The following RNF38 variants were observed in gnomAD, a reference collection of about 807,000 sequenced individuals.
The protein encoded by RNF38 is E3 ubiquitin-protein ligase RNF38.
Under a neutral mutation model 67.2 loss-of-function variants are expected in RNF38, and 15 were observed. The ratio of observed to expected loss-of-function variants is 0.22; its 90% confidence interval spans 0.15 to 0.34. The LOEUF (loss-of-function observed/expected upper bound fraction) is 0.34. RNF38 is among the 10% of genes least tolerant of loss of function. The pLI, the probability that RNF38 is intolerant of heterozygous loss-of-function variation, is 1.00. For synonymous variants in RNF38, 220 were observed against 218.8 expected (o/e 1.01, Z -0.05); for missense variants, 524 against 639.9 (o/e 0.82, Z 1.95).
At chr9:36,444,581 T>C (rs956990306) in intron 1 of RNF38, among the ~76,000 whole-genome samples, 5 of 152,108 alleles carry the variant, frequency 3.3e-5, no homozygotes, top group Admixed American at 2.6e-4. Flanking sequence ...AGGCAGATCA[T>C]TTGAGGTCAG....
intron 1 of RNF38, among the ~76,000 whole-genome samples, chr9:36,394,856 T>C (rs1251099473): frequency 6.6e-6 from 1 of 152,228 alleles, no homozygotes; most frequent in Non-Finnish European, 1.5e-5. Flanking sequence ...AAAAATAAAC[T>C]TGTTTCCTGA....
intron 2 of RNF38, among the ~76,000 whole-genome samples, chr9:36,381,478 G>C (rs1214012674): frequency 6.6e-6 from 1 of 152,142 alleles, no homozygotes; most frequent in East Asian, 1.9e-4. Context: ...CTAACAGAAT[G>C]GACTTTTTGT....
rs147020507 is a variant in RNF38, at chr9:36,343,095, A to G, written c.1386-671T>C. ...GCTATGTAAATAGTTGTTATACTGT[A>G]TTGTTCTTTATTTGTACTATGTATT... On this transcript the variant is annotated intron_variant, in intron 10 of 11. Coordinates refer to ENST00000259605, the MANE Select transcript of RNF38 (RefSeq NM_022781.5). Among the ~76,000 whole-genome samples, 3 of 152,044 alleles carry G rather than the reference A, an allele frequency of 2.0e-5. No homozygotes were observed. In the East Asian group the frequency reaches 5.8e-4, roughly 29 times the overall value.
chr9:36,461,086 A>G (rs1339336997), intron 1 of RNF38, among the ~76,000 whole-genome samples: 1 of 151,944 alleles, frequency 6.6e-6, no homozygotes, highest in Non-Finnish European at 1.5e-5. Flanking sequence ...GTGGTGGTGC[A>G]CACCTGTAAT....
intron 2 of RNF38, among the ~76,000 whole-genome samples, chr9:36,413,843 T>C (rs1424827989): frequency 3.9e-5 from 6 of 152,212 alleles, no homozygotes; most frequent in East Asian, 1.9e-4. Flanking sequence ...CAGTGGAGTA[T>C]TGAAGTCCTC....
At chr9:36,417,504 T>C (rs183873457) in intron 2 of RNF38, among the ~76,000 whole-genome samples, 312 of 152,308 alleles carry the variant, frequency 2.0e-3, no homozygotes, top group Non-Finnish European at 2.6e-3. Flanking sequence ...AAATTAACAA[T>C]ACTTCCATCA....
chr9:36,373,265 A>G (rs1479772106), intron 3 of RNF38, among the ~76,000 whole-genome samples: 1 of 152,210 alleles, frequency 6.6e-6, no homozygotes, highest in South Asian at 2.1e-4. Context: ...AGGCGGATAC[A>G]TAAATTGTGT....
intron 4 of RNF38, among the ~76,000 whole-genome samples, chr9:36,367,568 T>C (rs1306015701): frequency 2.0e-5 from 3 of 150,278 alleles, no homozygotes; most frequent in African/African-American, 7.3e-5. Context: ...TCCAACAGGT[T>C]ATTCTTTTTT....
In RNF38 at chr9:36,447,970, A is replaced by G. The variant is rs192058690; in HGVS notation, n.242-23287T>C. 7.2e-5 allele frequency among the ~76,000 whole-genome samples: 11 copies of G among 152,378 alleles called. No homozygotes were observed. In the East Asian group the frequency reaches 1.7e-3, roughly 24 times the overall value. Reference sequence around the variant, plus strand: ...CCCTAAGTTCTTCTGAACTAGAAGTATAACAGAGGGCAATTCATCACTGTA... The same window carrying G: ...CCCTAAGTTCTTCTGAACTAGAAGTGTAACAGAGGGCAATTCATCACTGTA... On this transcript the variant is annotated intron_variant and non_coding_transcript_variant, in intron 1 of 3. Transcript: ENST00000488058.
chr9:36,409,077 C>T (rs1202919695), intron 2 of RNF38, among the ~76,000 whole-genome samples: 1 of 152,038 alleles, frequency 6.6e-6, no homozygotes. Context: ...ATCCCAGCTA[C>T]TTGGGAGGCT....
chr9:36,390,424 T>C (rs780442556), intron 2 of RNF38, 43 bp downstream of exon 2: 67 of 1,536,664 alleles, frequency 4.4e-5, no homozygotes, highest in Non-Finnish European at 4.7e-5. Context: ...CTGTAGAATG[T>C]GACTTTCAGC....
At chr9:36,478,669 T>G (rs1840180616) in intron 1 of RNF38, among the ~76,000 whole-genome samples, 1 of 151,282 alleles carries the variant, frequency 6.6e-6, no homozygotes, top group South Asian at 2.1e-4. Context: ...AATACAAAAT[T>G]AGCCAGGCGT....
intron 1 of RNF38, among the ~76,000 whole-genome samples, chr9:36,397,101 TTTG>T (rs1341703641): frequency 1.7e-5 from 2 of 116,612 alleles, no homozygotes; most frequent in African/African-American, 7.0e-5. Flanking sequence ...ATATATATGT[TTTG>T]TTTTTTTTTT....
At chr9:36,457,120 C>T (rs188878117) in intron 1 of RNF38, among the ~76,000 whole-genome samples, 1 of 152,178 alleles carries the variant, frequency 6.6e-6, no homozygotes, top group Admixed American at 6.5e-5. Flanking sequence ...CTGGTCCTTC[C>T]AGAAATAAAA....
At chr9:36,352,222 C>A (rs577624891) in intron 8 of RNF38, among the ~76,000 whole-genome samples, 3 of 151,870 alleles carry the variant, frequency 2.0e-5, no homozygotes, top group Non-Finnish European at 4.4e-5. Context: ...ATCGCTGGAA[C>A]CTGGGAGGCA....
At chr9:36,376,973 G>A (rs1345835343) in intron 2 of RNF38, among the ~76,000 whole-genome samples, 3 of 148,414 alleles carry the variant, frequency 2.0e-5, no homozygotes, top group Non-Finnish European at 4.5e-5. Context: ...TAAGATTTAT[G>A]TTAGACAGAT....
chr9:36,414,547 G>T (rs1329575727), intron 2 of RNF38, among the ~76,000 whole-genome samples: 3 of 151,952 alleles, frequency 2.0e-5, no homozygotes, highest in Non-Finnish European at 4.4e-5. Context: ...TTAGCCGGGC[G>T]TGGTGGCACA....
intron 1 of RNF38, among the ~76,000 whole-genome samples, chr9:36,485,084 G>C (rs1464195229): frequency 6.6e-6 from 1 of 152,204 alleles, no homozygotes; most frequent in Non-Finnish European, 1.5e-5. Context: ...CAGGAGAATG[G>C]TGTGAACCAG....
At chr9:36,375,099 C>T (rs756030478) in intron 3 of RNF38, among the ~76,000 whole-genome samples, 16 of 152,296 alleles carry the variant, frequency 1.1e-4, no homozygotes, top group Non-Finnish European at 2.2e-4. Flanking sequence ...AAGAAATGCA[C>T]TCCTCTAGGA....
Sources: allele counts gnomAD v4.1 joint callset (sites outside exome capture counted in the v4.1 genomes callset), GRCh38; gene constraint gnomAD v4.1.1; transcripts MANE v1.5; gene names NCBI Gene and HGNC (gene_info 2026-07-23, HGNC 2026-07-21).